Variants in B3GALT1 observed in about 807,000 individuals in gnomAD.
B3GALT1 encodes UDP-Gal:betaGlcNAc beta 1,3-galactosyltransferase, polypeptide 1.
A neutral mutation model predicts 23.2 loss-of-function variants in B3GALT1; 10 were observed. The observed-to-expected ratio is 0.43, with a 90% CI of 0.27 to 0.73. B3GALT1 has a LOEUF of 0.73. Among genes scored for constraint, B3GALT1 ranks in the 30% least tolerant of loss-of-function variants. B3GALT1 has a pLI of 0.21. For missense variants in B3GALT1, 299 were observed against 405.4 expected (o/e 0.74, Z 2.25); for synonymous variants, 156 against 141.5 (o/e 1.10, Z -0.73).
chr2:167,523,010 A>C (rs925061415), intron 2 of B3GALT1, among the ~76,000 whole-genome samples: 3 of 152,026 alleles, frequency 2.0e-5, no homozygotes, highest in African/African-American at 7.2e-5. Flanking sequence ...TAAACCAGTG[A>C]TTTTCATGTT....
At chr2:167,315,281 T>G (rs1354423611) in intron 1 of B3GALT1, among the ~76,000 whole-genome samples, 1 of 152,172 alleles carries the variant, frequency 6.6e-6, no homozygotes, top group Non-Finnish European at 1.5e-5. Context: ...GAGTTGTTAA[T>G]CTATACCCAA....
chr2:167,714,282 A>AGAGG lies in B3GALT1; in HGVS notation c.-352+67319_-352+67322dup, dbSNP rs567795886. The AGAGG allele has an allele frequency of 1.1e-4, 168 of 1,500,298 alleles. No individual in the cohort carries two copies. In the African/African-American group the frequency reaches 2.1e-3, roughly 19 times the overall value. 92.9% of individuals were successfully genotyped at this position (1,500,298 alleles called of 1,614,324 possible). On this transcript the variant is annotated intron_variant, in intron 3 of 4. Coordinates refer to ENST00000392690, the MANE Select transcript of B3GALT1 (RefSeq NM_020981.4). ...CTACGGTCCTGTTCCCATGGAGATG[A>AGAGG]GAGGGACCCAGTGTCAGAAGGAGCC...
chr2:167,670,256 A>G (rs1051111026), intron 3 of B3GALT1, among the ~76,000 whole-genome samples: 7 of 152,212 alleles, frequency 4.6e-5, no homozygotes, highest in Non-Finnish European at 1.0e-4. Context: ...ACAGGAGGCT[A>G]TCAGCCCCAC....
At chr2:167,563,907 G>T (rs1378843644) in intron 2 of B3GALT1, among the ~76,000 whole-genome samples, 1 of 79,816 alleles carries the variant, frequency 1.3e-5, no homozygotes, top group Non-Finnish European at 2.4e-5. Context: ...GGGCGGGGCC[G>T]ATCCCCCCAC....
chr2:167,588,975 C>T (rs1037906783), intron 2 of B3GALT1, among the ~76,000 whole-genome samples: 4 of 150,916 alleles, frequency 2.7e-5, no homozygotes, highest in African/African-American at 9.8e-5. Flanking sequence ...TGGGTTCTCA[C>T]TCTGTTGCCC....
intron 2 of B3GALT1, among the ~76,000 whole-genome samples, chr2:167,539,666 C>T (rs1274846380): frequency 6.6e-6 from 1 of 152,070 alleles, no homozygotes; most frequent in Admixed American, 6.6e-5. Context: ...TACTCAGTCT[C>T]TTCTCATATA....
At chr2:167,614,428 GT>G (rs1236357624) in intron 2 of B3GALT1, among the ~76,000 whole-genome samples, 17 of 151,690 alleles carry the variant, frequency 1.1e-4, no homozygotes, top group African/African-American at 3.6e-4. Context: ...AAGTCTAAAT[GT>G]TTAAGAGTTT....
intron 3 of B3GALT1, among the ~76,000 whole-genome samples, chr2:167,648,785 C>G (rs376544946): frequency 2.0e-5 from 3 of 152,076 alleles, no homozygotes; most frequent in Admixed American, 1.3e-4. Flanking sequence ...CATTTAATTG[C>G]TTTGCCTCAT....
chr2:167,502,787 C>A (rs972644032), intron 2 of B3GALT1, among the ~76,000 whole-genome samples: 1 of 152,196 alleles, frequency 6.6e-6, no homozygotes, highest in East Asian at 1.9e-4. Flanking sequence ...CGCCTGTAAT[C>A]CCAACACTTT....
intron 2 of B3GALT1, among the ~76,000 whole-genome samples, chr2:167,573,595 C>T (rs75711842): frequency 0.01 from 1,517 of 151,664 alleles, 19 homozygotes; most frequent in African/African-American, 0.035. Flanking sequence ...TAGTAAGTAC[C>T]AGTGAGTTAT....
intron 1 of B3GALT1, among the ~76,000 whole-genome samples, chr2:167,432,892 G>A (rs1366829867): frequency 6.6e-6 from 1 of 152,122 alleles, no homozygotes; most frequent in Non-Finnish European, 1.5e-5. Flanking sequence ...CAGCAGAGTG[G>A]TACATTTGTT....
intron 1 of B3GALT1, among the ~76,000 whole-genome samples, chr2:167,464,829 A>G (rs904717137): frequency 6.6e-6 from 1 of 152,164 alleles, no homozygotes; most frequent in African/African-American, 2.4e-5. Flanking sequence ...CTTTTTATTT[A>G]TGTATTATCC....
intron 3 of B3GALT1, among the ~76,000 whole-genome samples, chr2:167,724,940 T>G (rs1370940803): frequency 6.6e-6 from 1 of 152,196 alleles, no homozygotes; most frequent in Non-Finnish European, 1.5e-5. Flanking sequence ...AATACCTTTT[T>G]CCATTCAGTG....
At chr2:167,304,255 A>T (rs975840904) in intron 1 of B3GALT1, among the ~76,000 whole-genome samples, 2 of 152,146 alleles carry the variant, frequency 1.3e-5, no homozygotes, top group African/African-American at 4.8e-5. Flanking sequence ...TTGAGCTGGG[A>T]ATTCAAATCC....
chr2:167,308,518 C>G (rs1696583514), intron 1 of B3GALT1, among the ~76,000 whole-genome samples: 2 of 151,974 alleles, frequency 1.3e-5, no homozygotes, highest in African/African-American at 2.4e-5. Flanking sequence ...GTAACTGATA[C>G]TTTAACATTC....
At chr2:167,820,611 CCCATGGACCCACAAT>C (rs1431666619) in intron 4 of B3GALT1, among the ~76,000 whole-genome samples, 1 of 152,230 alleles carries the variant, frequency 6.6e-6, no homozygotes, top group East Asian at 1.9e-4. Flanking sequence ...GTCCCCCCAA[CCCATGGACCCACAAT>C]GGACCTGTAA....
At chr2:167,780,883 T>A (rs1688234750) in intron 3 of B3GALT1, among the ~76,000 whole-genome samples, 1 of 152,208 alleles carries the variant, frequency 6.6e-6, no homozygotes, top group African/African-American at 2.4e-5. Flanking sequence ...GTGATGAACA[T>A]ATTTTGTAAG....
intron 3 of B3GALT1, among the ~76,000 whole-genome samples, chr2:167,773,591 C>A (rs73971275): frequency 0.024 from 3,681 of 152,204 alleles, 157 homozygotes; most frequent in East Asian, 0.12. Flanking sequence ...AGTGGCAGAC[C>A]CTTCAATTCT....
chr2:167,533,066 G>A (rs544648975), intron 2 of B3GALT1, among the ~76,000 whole-genome samples: 1 of 150,870 alleles, frequency 6.6e-6, no homozygotes, highest in Non-Finnish European at 1.5e-5. Flanking sequence ...TCTCTATGTT[G>A]GTCAGGCTGG....
Sources: gnomAD v4.1 joint callset for allele counts (sites outside exome capture counted in the v4.1 genomes callset) on GRCh38, gnomAD v4.1.1 for gene constraint, MANE v1.5 for transcripts, NCBI Gene and HGNC (gene_info 2026-07-23, HGNC 2026-07-21) for gene names.